Variants in EDA observed in about 807,000 individuals in gnomAD.
EDA encodes the protein ectodysplasin-A.
Under a neutral mutation model 23.6 loss-of-function variants are expected in EDA, and 2 were observed. The observed-to-expected ratio is 0.08, with a 90% CI of 0.03 to 0.27. EDA has a LOEUF of 0.27. Ranked by LOEUF, EDA falls within the 10% of genes least tolerant of loss-of-function variation. The probability of loss-of-function intolerance (pLI) is 1.00; values close to 1 mark genes in which losing one functional copy is unlikely to be tolerated. For missense variants in EDA, 229 were observed against 324.2 expected (o/e 0.71, Z 2.26); for synonymous variants, 131 against 132.0 (o/e 0.99, Z 0.05).
intron 1 of EDA, among the ~76,000 whole-genome samples, chrX:69,923,050 T>G (rs6625534): frequency 0.2 from 22,713 of 110,952 alleles, 1,773 homozygotes; most frequent in African/African-American, 0.24. Context: ...GCAGCATGAC[T>G]TTTTCTTGCT....
intron 1 of EDA, among the ~76,000 whole-genome samples, chrX:69,893,765 A>C (rs1411996562): frequency 1.8e-5 from 2 of 112,489 alleles, no homozygotes; most frequent in Non-Finnish European, 3.8e-5. Context: ...GTTGCATGTT[A>C]ATTTAAAGCT....
At chrX:69,938,913 A>G (rs757556186) in intron 1 of EDA, among the ~76,000 whole-genome samples, 5 of 111,829 alleles carry the variant, frequency 4.5e-5, no homozygotes, top group Non-Finnish European at 5.6e-5. Flanking sequence ...CTGTAGATGT[A>G]TGGATTTATT....
chrX:69,777,144 T>TTTG (rs140366037), intron 1 of EDA, among the ~76,000 whole-genome samples: 1,075 of 106,822 alleles, frequency 0.01, 17 homozygotes, highest in South Asian at 0.08. Flanking sequence ...GATTCTGGGT[T>TTTG]TTGTTGTTGT....
Position 70,024,162 on chromosome X carries a change from G to A in EDA, c.526+921G>A, listed in dbSNP as rs187715161. The stretch of plus-strand genomic sequence containing the variant: ...ATGATTGTTCATTAAAATGCTTTAA[G>A]TGAAATGATGCTGTGTGATAAGATT... On this transcript the variant is annotated intron_variant, in intron 3 of 7. Coordinates refer to ENST00000374552, the MANE Select transcript of EDA (RefSeq NM_001399.5). 8.4e-4 allele frequency among the ~76,000 whole-genome samples: 95 copies of A among 112,935 alleles called. 1 individual carries two copies. The highest frequency in any genetic ancestry group is 2.9e-3 in the African/African-American group (89 of 31,125).
chrX:69,851,461 T>C (rs1194666091), intron 1 of EDA, among the ~76,000 whole-genome samples: 1 of 112,711 alleles, frequency 8.9e-6, no homozygotes, highest in Non-Finnish European at 1.9e-5. Flanking sequence ...TTATAACTTA[T>C]GCCAACAATG....
At chrX:69,827,575 A>G (rs1431072402) in intron 1 of EDA, among the ~76,000 whole-genome samples, 1 of 111,278 alleles carries the variant, frequency 9.0e-6, no homozygotes, top group African/African-American at 3.3e-5. Flanking sequence ...ACTTCTCTGT[A>G]TTGATTATTC....
At chrX:69,693,757 A>G (rs1316507928) in intron 1 of EDA, among the ~76,000 whole-genome samples, 2 of 112,037 alleles carry the variant, frequency 1.8e-5, no homozygotes, top group Admixed American at 9.5e-5. Flanking sequence ...TAGTACTTCT[A>G]TTGCTGGAGA....
chrX:69,743,147 A>G (rs1040677024), intron 1 of EDA: 3 of 111,285 alleles, frequency 2.7e-5, no homozygotes, highest in African/African-American at 9.8e-5. Context: ...GAATTGAGTT[A>G]ATGTTTGTTA....
intron 1 of EDA, among the ~76,000 whole-genome samples, chrX:69,915,794 A>G (rs1319102521): frequency 9.0e-6 from 1 of 110,773 alleles, no homozygotes; most frequent in African/African-American, 3.3e-5. Context: ...CTAAGTGTGG[A>G]CATGGGAGGA....
intron 2 of EDA, among the ~76,000 whole-genome samples, chrX:70,006,067 C>T (rs1260699788): frequency 8.9e-6 from 1 of 112,180 alleles, no homozygotes; most frequent in East Asian, 2.8e-4. Flanking sequence ...ATTTTTATTG[C>T]TGAATAATAT....
At chrX:69,952,420 A>T (rs1208644263) in intron 1 of EDA, among the ~76,000 whole-genome samples, 1 of 111,300 alleles carries the variant, frequency 9.0e-6, no homozygotes, top group African/African-American at 3.3e-5. Flanking sequence ...TCCTTTTTTT[A>T]AAGCCATCAG....
rs1932703359 is a variant in EDA at position 69,634,022 on chromosome X, CTTG to C, written c.396+17323_396+17325del. 2.7e-5 allele frequency among the ~76,000 whole-genome samples: 3 copies of C among 112,099 alleles called. No homozygotes were observed. The South Asian group carries it at 1.1e-3, about 42-fold the overall frequency. ...CAGTTTCTCCACATCCCTGCCAACG[CTTG>C]TTGTGATCTTTTTTATTATAGCCAT... On this transcript the variant is annotated intron_variant, in intron 1 of 7. Transcript: ENST00000374552.
At chrX:70,012,750 C>T (rs1187233672) in intron 2 of EDA, among the ~76,000 whole-genome samples, 1 of 112,567 alleles carries the variant, frequency 8.9e-6, no homozygotes, top group Non-Finnish European at 1.9e-5. Flanking sequence ...AGCTGCCTTA[C>T]GGAAAAGCAG....
At chrX:69,831,058 G>T (rs1432402775) in intron 1 of EDA, among the ~76,000 whole-genome samples, 1 of 111,396 alleles carries the variant, frequency 9.0e-6, no homozygotes, top group African/African-American at 3.3e-5. Context: ...TACTTGATGA[G>T]AAATCCTTTT....
At chrX:69,896,708 A>C (rs2018021414) in intron 1 of EDA, among the ~76,000 whole-genome samples, 1 of 110,858 alleles carries the variant, frequency 9.0e-6, no homozygotes, top group African/African-American at 3.3e-5. Context: ...ACTAGAAATC[A>C]GGTCTTCCAG....
At chrX:69,997,355 AT>A (rs2019672783) in intron 2 of EDA, among the ~76,000 whole-genome samples, 1 of 111,733 alleles carries the variant, frequency 8.9e-6, no homozygotes, top group Non-Finnish European at 1.9e-5. Flanking sequence ...CACCCTAGAG[AT>A]TTATAGAACT....
intron 1 of EDA, among the ~76,000 whole-genome samples, chrX:69,681,388 G>T (rs1934343892): frequency 9.0e-6 from 1 of 110,870 alleles, no homozygotes. Context: ...GATTGGGGAA[G>T]TTCTCCTGGA....
chrX:69,696,543 C>T lies in EDA; in HGVS notation c.396+79839C>T, dbSNP rs745441369. Among the ~76,000 whole-genome samples, 9 of 111,209 alleles carry T rather than the reference C, an allele frequency of 8.1e-5. No individual in the cohort carries two copies. In the South Asian group the frequency reaches 1.1e-3, roughly 14 times the overall value. Reference sequence around the variant, plus strand: ...AAATTACCCTCTTTTTTTCTTCTTCCGTACCTCATAGCTTCACTTACTAAA... The same window carrying T: ...AAATTACCCTCTTTTTTTCTTCTTCTGTACCTCATAGCTTCACTTACTAAA... On this transcript the variant is annotated intron_variant, in intron 1 of 7. Coordinates refer to ENST00000374552, the MANE Select transcript of EDA (RefSeq NM_001399.5).
chrX:69,708,388 A>G (rs1020195174), intron 1 of EDA, among the ~76,000 whole-genome samples: 1 of 111,472 alleles, frequency 9.0e-6, no homozygotes, highest in Non-Finnish European at 1.9e-5. Context: ...TTACAAAAGT[A>G]TACTGTGAAG....
Sources: allele counts gnomAD v4.1 joint callset (sites outside exome capture counted in the v4.1 genomes callset), GRCh38; gene constraint gnomAD v4.1.1; transcripts MANE v1.5; gene names NCBI Gene and HGNC (gene_info 2026-07-23, HGNC 2026-07-21).